Variants in AXIN2 observed in about 807,000 individuals in gnomAD.
AXIN2 encodes axin-2.
Under a neutral mutation model 74.7 loss-of-function variants are expected in AXIN2, and 21 were observed. The ratio of observed to expected loss-of-function variants is 0.28; its 90% CI spans 0.20 to 0.40. AXIN2 has a LOEUF of 0.40. Among genes scored for constraint, AXIN2 ranks in the 10% least tolerant of loss-of-function variants. AXIN2 has a pLI of 1.00. For synonymous variants in AXIN2, 532 were observed against 454.9 expected (o/e 1.17, Z -2.16); for missense variants, 1,144 against 1,111.1 (o/e 1.03, Z -0.42).
At chr17:65,531,374 C>T (rs1649032255) in intron 10 of AXIN2, among the ~76,000 whole-genome samples, 1 of 151,736 alleles carries the variant, frequency 6.6e-6, no homozygotes, top group South Asian at 2.1e-4. Context: ...AACGGCATGG[C>T]TCTGACTAGG....
In AXIN2 at chr17:65,558,116, T is replaced by C. The variant is rs1060502155; in HGVS notation, c.505A>G (p.Ile169Val). 1.2e-6 allele frequency: 2 copies of C among 1,614,168 alleles called. No individual in the cohort carries two copies. Among genetic ancestry groups the C allele is most frequent in the Non-Finnish European group, 1.7e-6 (2 of 1,180,048 alleles). ...DGIKKQQIDSIMFDQAQTEIQ... is the reference protein window; with the variant it reads ...DGIKKQQIDSVMFDQAQTEIQ... ...TCGGTCTGCGCCTGGTCAAACATGA[T>C]GGAATCAATCTGCTGCTTCTTGATG... is the stretch of plus-strand genomic sequence containing the variant. Residue 169 changes from isoleucine (I) to valine (V), a missense_variant, in exon 2 of 11, where the codon ATC (isoleucine) becomes GTC (valine). Ile to Val is a conservative substitution (Grantham distance 29). This residue lies in a region of AXIN2 where 1,053 missense variants were observed against 973.5 expected (regional missense o/e 1.08). Transcript: ENST00000307078.
chr17:65,541,535 C>A lies in AXIN2; in HGVS notation c.979G>T (p.Val327Leu), dbSNP rs372255441. The part of the protein sequence containing the change: ...SSVDGIPPYR[V>L]GSKKQLQREM... ...CTCTGGAGCTGTTTCTTACTGCCCA[C>A]ACGATAAGGAGGAATTCCATCTCTA... Residue 327 changes from valine (V) to leucine (L), a missense_variant, in exon 4 of 11, where the codon GTG (valine) becomes TTG (leucine). Physicochemically the swap from Val to Leu is conservative, Grantham distance 32. This residue lies in a region of AXIN2 where 1,053 missense variants were observed against 973.5 expected (regional missense o/e 1.08). Transcript: ENST00000307078. 1 of 1,614,136 alleles carries A rather than the reference C, an allele frequency of 6.2e-7. No homozygotes were observed. The highest frequency in any genetic ancestry group is 1.7e-5 in the Admixed American group (1 of 60,026).
chr17:65,539,791 A>G (rs1173593446), intron 4 of AXIN2, among the ~76,000 whole-genome samples: 1 of 152,226 alleles, frequency 6.6e-6, no homozygotes, highest in Non-Finnish European at 1.5e-5. Flanking sequence ...AAGGATTCAT[A>G]AACACCTGCT....
chr17:65,538,771 AAG>A (rs1208616542), intron 4 of AXIN2, among the ~76,000 whole-genome samples: 5 of 150,964 alleles, frequency 3.3e-5, no homozygotes, highest in African/African-American at 1.2e-4. Flanking sequence ...TCTAAACAGA[AAG>A]AGAGTTGAAA....
intron 10 of AXIN2, among the ~76,000 whole-genome samples, chr17:65,530,956 T>G (rs1382824137): frequency 3.3e-5 from 5 of 152,206 alleles, no homozygotes; most frequent in Non-Finnish European, 5.9e-5. Context: ...ACTGCTGTCC[T>G]CTTGGGCCAG....
At chr17:65,558,936 GCA>G (rs1598120965) in intron 1 of AXIN2, among the ~76,000 whole-genome samples, 200 bp from the exon 2 acceptor site, 1 of 151,970 alleles carries the variant, frequency 6.6e-6, no homozygotes, top group Non-Finnish European at 1.5e-5. Flanking sequence ...TGAGCTCCCT[GCA>G]CACTTTTCGG....
chr17:65,538,268 C>T lies in AXIN2; in HGVS notation c.1135G>A (p.Glu379Lys). The T allele has an allele frequency of 5.0e-6, 8 of 1,614,228 alleles. No individual in the cohort carries two copies. The highest frequency in any genetic ancestry group is 6.8e-6 in the Non-Finnish European group (8 of 1,180,040). The change falls in exon 5 of 11, where the codon GAA (glutamate) becomes AAA (lysine). Residue 379 changes from glutamate to lysine, a missense_variant. This residue lies in a region of AXIN2 where 1,053 missense variants were observed against 973.5 expected (regional missense o/e 1.08). Coordinates refer to ENST00000307078, the MANE Select transcript of AXIN2 (RefSeq NM_004655.4). ...TFAAELISRL[E>K]KLKLELESRH... Reference sequence around the variant, plus strand: ...CTCTCCAACTCCAGCTTCAGCTTTTCCAGCCTCGAGATCAGCTCAGCTGCA... The same window carrying T: ...CTCTCCAACTCCAGCTTCAGCTTTTTCAGCCTCGAGATCAGCTCAGCTGCA...
chr17:65,557,970 G>C lies in AXIN2; in HGVS notation c.651C>G (p.Ser217Arg), dbSNP rs759988180. 1 of 1,614,008 alleles carries C rather than the reference G, an allele frequency of 6.2e-7. No individual in the cohort carries two copies. Among genetic ancestry groups the C allele is most frequent in the South Asian group, 1.1e-5 (1 of 91,060 alleles). Residue 217 changes from serine to arginine, a missense_variant, in exon 2 of 11, where the codon AGC (serine) becomes AGG (arginine). This residue lies in a region of AXIN2 where 1,053 missense variants were observed against 973.5 expected (regional missense o/e 1.08). Transcript: ENST00000307078. ...TAYMSNGGLGSLKVVCGYLPT... is the reference protein window; with the variant it reads ...TAYMSNGGLGRLKVVCGYLPT... The stretch of plus-strand genomic sequence containing the variant: ...GGAGATAGCCACACACGACCTTTAG[G>C]CTCCCGAGTCCCCCATTACTCATGT...
In AXIN2 at chr17:65,533,895, AG is replaced by A; in HGVS notation, c.2405+16del. 1 of 1,613,188 alleles carries A rather than the reference AG, an allele frequency of 6.2e-7. No homozygotes were observed. Among genetic ancestry groups the A allele is most frequent in the African/African-American group, 1.3e-5 (1 of 75,022 alleles). ...AGCAAACAAACTGAGAGCAGAAAAA[AG>A]CCACAGGACTCTTACCTATAATTTC... On this transcript the variant is annotated intron_variant, in intron 10 of 10. Coordinates refer to ENST00000307078, the MANE Select transcript of AXIN2 (RefSeq NM_004655.4).
chr17:65,551,086 C>A (rs1293263840), intron 2 of AXIN2, among the ~76,000 whole-genome samples: 1 of 152,156 alleles, frequency 6.6e-6, no homozygotes, highest in Non-Finnish European at 1.5e-5. Flanking sequence ...AACATGTTTC[C>A]AAGTTCTCAC....
At chr17:65,533,198 G>A (rs1260186341) in intron 10 of AXIN2, among the ~76,000 whole-genome samples, 1 of 152,216 alleles carries the variant, frequency 6.6e-6, no homozygotes, top group African/African-American at 2.4e-5. Flanking sequence ...ACAAGGTAAG[G>A]AGACCAGGAA....
chr17:65,541,583 C>T, intron 3 of AXIN2, 26 bp from the exon 4 acceptor site: 1 of 1,588,640 alleles, frequency 6.3e-7, no homozygotes, highest in Non-Finnish European at 8.6e-7. Flanking sequence ...AGACAGAATC[C>T]ACAGGCTTAC....
chr17:65,544,191 C>T (rs1164452883), intron 3 of AXIN2, among the ~76,000 whole-genome samples: 1 of 151,914 alleles, frequency 6.6e-6, no homozygotes, highest in Non-Finnish European at 1.5e-5. Flanking sequence ...CCACTGGTAG[C>T]TTTCACTCTT....
rs1381945740 is a variant in AXIN2 at position 65,529,759 on chromosome 17, T to G, written c.*217A>C. ...GAGTGGTCATGTTTTTAATAAATAG[T>G]TCAGGCTTTTCTTATCTCAGTCAGT... is the stretch of plus-strand genomic sequence containing the variant. On this transcript the variant is annotated 3_prime_UTR_variant, in exon 11 of 11. Coordinates refer to ENST00000307078, the MANE Select transcript of AXIN2 (RefSeq NM_004655.4). The G allele has an allele frequency of 7.6e-6, 5 of 658,486 alleles. No homozygotes were observed. The East Asian group carries it at 1.5e-4, about 19-fold the overall frequency. The allele number at this position is 658,486 out of a possible 1,614,324, so 40.8% of individuals were successfully genotyped here.
intron 4 of AXIN2, among the ~76,000 whole-genome samples, chr17:65,540,315 AG>A (rs1233751470): frequency 3.9e-5 from 6 of 152,340 alleles, no homozygotes; most frequent in African/African-American, 1.2e-4. Context: ...ATTATGTGTC[AG>A]GTACTGTTCT....
At position 65,558,690 on chromosome 17, in the gene AXIN2, T is replaced by C. The variant is rs774380098; in HGVS notation, c.-70A>G. ...CAGTTCCTCTCAGCAATCGGCGTGG[T>C]CTCTCTGTCTCTCTCAAGTCAGCAG... is the stretch of plus-strand genomic sequence containing the variant. On this transcript the variant is annotated 5_prime_UTR_variant, in exon 2 of 11. Coordinates refer to ENST00000307078, the MANE Select transcript of AXIN2 (RefSeq NM_004655.4). 2.8e-5 allele frequency: 41 copies of C among 1,450,254 alleles called. No individual in the cohort carries two copies. Among genetic ancestry groups the C allele is most frequent in the Non-Finnish European group, 3.3e-5 (35 of 1,066,308 alleles). The allele number at this position is 1,450,254 out of a possible 1,614,324, so 89.8% of individuals were successfully genotyped here.
At chr17:65,532,139 A>C (rs535647982) in intron 10 of AXIN2, among the ~76,000 whole-genome samples, 1 of 152,018 alleles carries the variant, frequency 6.6e-6, no homozygotes, top group Non-Finnish European at 1.5e-5. Context: ...CGGAGAGTTG[A>C]CCATTTGTGC....
At chr17:65,530,196 A>C in intron 10 of AXIN2, 94 bp from the exon 11 acceptor site, 1 of 1,553,892 alleles carries the variant, frequency 6.4e-7, no homozygotes, top group Non-Finnish European at 8.8e-7. Flanking sequence ...GAGGTATCCT[A>C]GGAATTTGCT....
At chr17:65,545,705 G>GCTCATAAAACAGC in intron 3 of AXIN2, among the ~76,000 whole-genome samples, 1 of 152,202 alleles carries the variant, frequency 6.6e-6, no homozygotes, top group East Asian at 1.9e-4. Flanking sequence ...AGAGTAACAG[G>GCTCATAAAACAGC]CTCATAAAAC....
Sources: allele counts gnomAD v4.1 joint callset (sites outside exome capture counted in the v4.1 genomes callset), GRCh38; gene constraint gnomAD v4.1.1; regional missense constraint gnomAD v4.1.1; transcripts MANE v1.5; gene names NCBI Gene and HGNC (gene_info 2026-07-23, HGNC 2026-07-21).